CCND3: variants seen among roughly 807,000 people sequenced by gnomAD.
The protein encoded by CCND3 is cyclin D3, also known as G1/S-specific cyclin-D3.
A neutral mutation model predicts 28.7 loss-of-function variants in CCND3; 9 were observed. That is an observed-to-expected ratio of 0.31 (90% CI 0.19 to 0.55). The LOEUF (loss-of-function observed/expected upper bound fraction) is 0.55. CCND3 is among the 20% of genes least tolerant of loss of function. The pLI, the probability that CCND3 is intolerant of heterozygous loss-of-function variation, is 0.93. For synonymous variants in CCND3, 164 were observed against 163.9 expected (o/e 1.00, Z 0.00); for missense variants, 315 against 385.8 (o/e 0.82, Z 1.54).
At chr6:41,975,224 C>A (rs1762142042) in intron 1 of CCND3, among the ~76,000 whole-genome samples, 1 of 152,214 alleles carries the variant, frequency 6.6e-6, no homozygotes, top group Non-Finnish European at 1.5e-5. Flanking sequence ...AGCACTTTCT[C>A]TTCCACTAAC....
chr6:42,037,946 G>A (rs1216483990), intron 1 of CCND3, among the ~76,000 whole-genome samples: 1 of 150,810 alleles, frequency 6.6e-6, no homozygotes, highest in Non-Finnish European at 1.5e-5. Flanking sequence ...CACGAGAATC[G>A]CTTGAACCCG....
intron 1 of CCND3, among the ~76,000 whole-genome samples, chr6:41,976,566 T>C (rs1762194108): frequency 6.6e-6 from 1 of 151,926 alleles, no homozygotes; most frequent in African/African-American, 2.4e-5. Context: ...AGCGGGAGGA[T>C]TGCTTGAGCT....
intron 1 of CCND3, among the ~76,000 whole-genome samples, chr6:42,025,952 G>C (rs953087222): frequency 2.6e-5 from 4 of 152,146 alleles, no homozygotes; most frequent in Admixed American, 1.3e-4. Context: ...GAATGAATGA[G>C]TCAGCACTGG....
At chr6:41,958,148 C>A (rs1179159726) in intron 1 of CCND3, among the ~76,000 whole-genome samples, 2 of 151,988 alleles carry the variant, frequency 1.3e-5, no homozygotes, top group Non-Finnish European at 2.9e-5. Flanking sequence ...AGTTGCAAGC[C>A]ACCATGCCCA....
At chr6:41,960,025 C>T (rs1356068033) in intron 1 of CCND3, among the ~76,000 whole-genome samples, 3 of 152,002 alleles carry the variant, frequency 2.0e-5, no homozygotes, top group Non-Finnish European at 4.4e-5. Flanking sequence ...ATGGCATATG[C>T]ATACAGTGGA....
chr6:42,032,128 C>A (rs1764063493), intron 1 of CCND3, among the ~76,000 whole-genome samples: 1 of 152,056 alleles, frequency 6.6e-6, no homozygotes, highest in South Asian at 2.1e-4. Flanking sequence ...CCCTGTCACA[C>A]AGGCTGCAAT....
chr6:41,940,808 G>C, intron 1 of CCND3: 6 of 945,564 alleles, frequency 6.3e-6, no homozygotes, highest in Non-Finnish European at 1.0e-5. Flanking sequence ...ACGGGGGAGT[G>C]GTAAAGCCAA....
intron 1 of CCND3, chr6:42,018,365 T>C (rs2127431732): frequency 6.6e-6 from 1 of 151,746 alleles, no homozygotes; most frequent in East Asian, 2.0e-4. Context: ...GCTAATTTTT[T>C]TGTATTTTTA....
chr6:41,936,217 CCA>C lies in CCND3; in HGVS notation c.712-112_712-111del. On this transcript the variant is annotated intron_variant, in intron 4 of 4. Coordinates refer to ENST00000372991, the MANE Select transcript of CCND3 (RefSeq NM_001760.5). This position sits in a 1 kb window ranked among gnomAD's most constrained non-coding sequence, Gnocchi z 4.4. ...CATGGGGAAGTCTGGGGAGGTTAGGCCACAGCCCGGCCCCAGGAATCGCTCTT... is the reference window on the plus strand; with the variant it reads ...CATGGGGAAGTCTGGGGAGGTTAGGCCAGCCCGGCCCCAGGAATCGCTCTT... 1 of 1,213,110 alleles carries C rather than the reference CCA, an allele frequency of 8.2e-7. No homozygotes were observed. The highest frequency in any genetic ancestry group is 1.1e-6 in the Non-Finnish European group (1 of 877,358). 75.1% of individuals were successfully genotyped at this position (1,213,110 alleles called of 1,614,324 possible).
At chr6:42,002,450 A>AC (rs1347002246) in intron 1 of CCND3, among the ~76,000 whole-genome samples, 2 of 151,708 alleles carry the variant, frequency 1.3e-5, no homozygotes, top group Non-Finnish European at 2.9e-5. Flanking sequence ...AAAAAAAAAA[A>AC]AAACTATGTA....
chr6:41,941,438 C>T lies in CCND3; in HGVS notation c.198+14G>A. 2 of 1,606,632 alleles carry T rather than the reference C, an allele frequency of 1.2e-6. No individual in the cohort carries two copies. Among genetic ancestry groups the T allele is most frequent in the African/African-American group, 1.3e-5 (1 of 74,520 alleles). On this transcript the variant is annotated intron_variant, in intron 1 of 4. Coordinates refer to ENST00000372991, the MANE Select transcript of CCND3 (RefSeq NM_001760.5). This position sits in a 1 kb window ranked among gnomAD's most constrained non-coding sequence, Gnocchi z 6.1. ...CCGGGAGCGGTGGGGGAGGGGGACG[C>T]GTCCGGGCGGTACCTCCAGCATCCA...
Position 41,985,722 on chromosome 6 carries a change from C to T in CCND3, c.-45-45137G>A, listed in dbSNP as rs1378533641. ...TCGGCTCACTGCAAGCTCCGCCTCC[C>T]GGGTTCACGCCATTCTCCTGCCTCA... On this transcript the variant is annotated intron_variant, in intron 1 of 4. Transcript: ENST00000372988. Among the ~76,000 whole-genome samples, 2 of 1,590 alleles carry T rather than the reference C, an allele frequency of 1.3e-3. 1 individual carries two copies. The highest frequency in any genetic ancestry group is 1.4e-3 in the African/African-American group (2 of 1,480). 1.0% of individuals were successfully genotyped at this position (1,590 alleles called of 152,430 possible).
At chr6:41,978,412 C>T (rs967982157) in intron 1 of CCND3, among the ~76,000 whole-genome samples, 15 of 149,706 alleles carry the variant, frequency 1.0e-4, no homozygotes, top group African/African-American at 2.7e-4. Context: ...GGCGCATCCC[C>T]GTAATCCCAG....
intron 1 of CCND3, among the ~76,000 whole-genome samples, chr6:41,979,145 T>C (rs1438950085): frequency 9.2e-6 from 1 of 108,458 alleles, no homozygotes; most frequent in Non-Finnish European, 1.7e-5. Context: ...CACTTCAGCC[T>C]GGGCAGTAAG....
chr6:42,025,648 C>G (rs1417272185), intron 1 of CCND3, among the ~76,000 whole-genome samples: 5 of 152,228 alleles, frequency 3.3e-5, no homozygotes, highest in African/African-American at 1.2e-4. Flanking sequence ...CCGGCCGCCC[C>G]ACGATGGCGG....
upstream of CCND3, among the ~76,000 whole-genome samples, chr6:41,944,377 C>A (rs1776115578): frequency 6.7e-6 from 1 of 149,260 alleles, no homozygotes; most frequent in South Asian, 2.2e-4. Flanking sequence ...TTTTGGTTCA[C>A]GGTGGATTTT....
chr6:41,950,854 G>GC (rs992903152), intron 1 of CCND3, among the ~76,000 whole-genome samples: 29 of 151,810 alleles, frequency 1.9e-4, no homozygotes, highest in Middle Eastern at 3.4e-3. Context: ...GACTACAGGC[G>GC]CCCCCCACCA....
intron 1 of CCND3, among the ~76,000 whole-genome samples, chr6:42,022,995 C>T (rs1248866805): frequency 6.6e-6 from 1 of 152,188 alleles, no homozygotes; most frequent in Non-Finnish European, 1.5e-5. Context: ...ACAGCCAATC[C>T]CCATTATTCA....
chr6:41,981,498 C>G (rs996046565), intron 1 of CCND3, among the ~76,000 whole-genome samples: 4 of 96,766 alleles, frequency 4.1e-5, no homozygotes, highest in Non-Finnish European at 1.1e-4. Context: ...CCACCACGCC[C>G]GGCCATGAGC....
Sources: gnomAD v4.1 joint callset for allele counts (sites outside exome capture counted in the v4.1 genomes callset) on GRCh38, gnomAD v4.1.1 for gene constraint, Gnocchi (gnomAD v3.1) non-coding constraint, MANE v1.5 for transcripts, NCBI Gene and HGNC (gene_info 2026-07-23, HGNC 2026-07-21) for gene names.